GRID1: variants seen among roughly 807,000 people sequenced by gnomAD.
The protein encoded by GRID1 is glutamate receptor ionotropic, delta-1.
GRID1 carries 28 observed loss-of-function variants against 98.0 expected under a neutral mutation model. The observed-to-expected ratio is 0.29, with a 90% CI of 0.21 to 0.39. The LOEUF (loss-of-function observed/expected upper bound fraction) is 0.39, where lower values mean the gene tolerates loss of function less well. GRID1 is among the 10% of genes least tolerant of loss of function. The probability of loss-of-function intolerance (pLI) is 1.00; values close to 1 mark genes in which losing one functional copy is unlikely to be tolerated. For synonymous variants in GRID1, 553 were observed against 538.5 expected (o/e 1.03, Z -0.37); for missense variants, 1,111 against 1,340.5 (o/e 0.83, Z 2.67).
intron 8 of GRID1, among the ~76,000 whole-genome samples, chr10:85,783,166 A>G (rs1287541523): frequency 1.3e-5 from 2 of 152,308 alleles, no homozygotes; most frequent in East Asian, 1.9e-4. Flanking sequence ...TGTAATTAGA[A>G]AAGACTGTCT....
intron 8 of GRID1, among the ~76,000 whole-genome samples, chr10:85,758,739 C>T (rs1842121057): frequency 6.6e-6 from 1 of 152,206 alleles, no homozygotes; most frequent in South Asian, 2.1e-4. Flanking sequence ...TAGCTCACCA[C>T]AGCCTATCTT....
chr10:85,911,890 G>A (rs1489631014), intron 5 of GRID1, among the ~76,000 whole-genome samples: 1 of 152,200 alleles, frequency 6.6e-6, no homozygotes, highest in Admixed American at 6.5e-5. Flanking sequence ...GGCTCCAAAA[G>A]CCACCCAGCT....
chr10:85,620,614 G>C (rs1842847204), intron 13 of GRID1, among the ~76,000 whole-genome samples: 1 of 152,168 alleles, frequency 6.6e-6, no homozygotes, highest in African/African-American at 2.4e-5. Context: ...CCCTGTGCAT[G>C]AGGAAAAATC....
At chr10:86,061,717 A>G (rs1237786784) in intron 4 of GRID1, among the ~76,000 whole-genome samples, 2 of 152,056 alleles carry the variant, frequency 1.3e-5, no homozygotes, top group African/African-American at 2.4e-5. Context: ...CCATCCCTGC[A>G]TGCTCAGGCT....
intron 4 of GRID1, among the ~76,000 whole-genome samples, chr10:85,964,849 C>T (rs930367974): frequency 1.3e-5 from 2 of 152,112 alleles, no homozygotes; most frequent in African/African-American, 4.8e-5. Flanking sequence ...TCAGAGTGAA[C>T]ATGTAACCTA....
intron 4 of GRID1, among the ~76,000 whole-genome samples, chr10:86,011,442 T>C (rs1842922566): frequency 6.6e-6 from 1 of 152,166 alleles, no homozygotes; most frequent in African/African-American, 2.4e-5. Flanking sequence ...TTTGGGACAG[T>C]AATGCTCGAC....
At position 85,984,040 on chromosome 10, in the gene GRID1, G is replaced by A. The variant is rs183226716; in HGVS notation, c.727-67801C>T. Among the ~76,000 whole-genome samples, 19 of 151,988 alleles carry A rather than the reference G, an allele frequency of 1.3e-4. No homozygotes were observed. The East Asian group carries it at 3.3e-3, about 26-fold the overall frequency. On this transcript the variant is annotated intron_variant, in intron 4 of 15. Coordinates refer to ENST00000327946, the MANE Select transcript of GRID1 (RefSeq NM_017551.3). ...CAGCCTGTCTCCTCCCCACCCTGGCGACTGGACTTCAGGAATGTAATCTGA... is the reference window on the plus strand; with the variant it reads ...CAGCCTGTCTCCTCCCCACCCTGGCAACTGGACTTCAGGAATGTAATCTGA...
chr10:86,131,340 C>T (rs977618989), intron 4 of GRID1, among the ~76,000 whole-genome samples: 4 of 152,150 alleles, frequency 2.6e-5, no homozygotes, highest in African/African-American at 4.8e-5. Context: ...TGAGCCATTT[C>T]GGCTGCTGCA....
At chr10:85,995,540 C>G (rs1842730438) in intron 4 of GRID1, among the ~76,000 whole-genome samples, 1 of 152,230 alleles carries the variant, frequency 6.6e-6, no homozygotes, top group African/African-American at 2.4e-5. Flanking sequence ...CACCATGATT[C>G]TCCCCTGAAC....
At chr10:85,681,816 T>C (rs561834248) in intron 12 of GRID1, among the ~76,000 whole-genome samples, 3 of 152,250 alleles carry the variant, frequency 2.0e-5, no homozygotes, top group South Asian at 4.1e-4. Context: ...CCACAGTATA[T>C]GGCCTGCCCT....
At chr10:85,993,793 T>C (rs1842709424) in intron 4 of GRID1, among the ~76,000 whole-genome samples, 1 of 152,220 alleles carries the variant, frequency 6.6e-6, no homozygotes, top group African/African-American at 2.4e-5. Context: ...TTACATTATA[T>C]ACCCATCTTA....
At chr10:85,802,886 C>CACACACACACACA (rs1590238921) in intron 8 of GRID1, among the ~76,000 whole-genome samples, 1 of 141,762 alleles carries the variant, frequency 7.1e-6, no homozygotes, top group Non-Finnish European at 1.5e-5. Context: ...CACACACACA[C>CACACACACACACA]CAAGGAACAT....
intron 12 of GRID1, among the ~76,000 whole-genome samples, chr10:85,649,847 AC>A (rs1445414975): frequency 6.6e-6 from 1 of 151,776 alleles, no homozygotes; most frequent in Admixed American, 6.6e-5. Context: ...CCAAAATGCC[AC>A]CCCCATCTTC....
intron 4 of GRID1, among the ~76,000 whole-genome samples, chr10:86,035,074 T>C (rs556017193): frequency 6.6e-6 from 1 of 151,722 alleles, no homozygotes; most frequent in African/African-American, 2.4e-5. Context: ...GGAAAGGAGG[T>C]TTTTGGGACT....
At chr10:86,078,509 A>G (rs537197024) in intron 4 of GRID1, among the ~76,000 whole-genome samples, 1 of 152,144 alleles carries the variant, frequency 6.6e-6, no homozygotes, top group Non-Finnish European at 1.5e-5. Flanking sequence ...TCACACTCTC[A>G]TCTCTCTGTC....
At chr10:85,911,476 T>C (rs889774403) in intron 5 of GRID1, among the ~76,000 whole-genome samples, 2 of 152,178 alleles carry the variant, frequency 1.3e-5, no homozygotes, top group African/African-American at 4.8e-5. Context: ...GCCTGCTGAC[T>C]ATACCTCCTC....
chr10:85,874,368 C>T (rs1487097047), intron 5 of GRID1, among the ~76,000 whole-genome samples: 4 of 152,108 alleles, frequency 2.6e-5, no homozygotes, highest in Non-Finnish European at 5.9e-5. Flanking sequence ...CTTGCCTACA[C>T]CTGATATTGT....
intron 2 of GRID1, among the ~76,000 whole-genome samples, chr10:86,332,080 A>C (rs1296903848): frequency 6.6e-6 from 1 of 152,212 alleles, no homozygotes; most frequent in African/African-American, 2.4e-5. Flanking sequence ...TTCATTTCAG[A>C]GATGGGAAAC....
intron 2 of GRID1, among the ~76,000 whole-genome samples, chr10:86,221,175 G>A (rs1846249543): frequency 6.6e-6 from 1 of 152,248 alleles, no homozygotes; most frequent in Admixed American, 6.5e-5. Flanking sequence ...GCAGCCAGCA[G>A]GGATGAGAGG....
Sources: gnomAD v4.1 joint callset for allele counts (sites outside exome capture counted in the v4.1 genomes callset) on GRCh38, gnomAD v4.1.1 for gene constraint, MANE v1.5 for transcripts, NCBI Gene and HGNC (gene_info 2026-07-23, HGNC 2026-07-21) for gene names.